SLC35F1: variants seen among roughly 807,000 people sequenced by gnomAD.
The protein encoded by SLC35F1 is solute carrier family 35 member F1.
SLC35F1 carries 14 observed loss-of-function variants against 48.7 expected under a neutral mutation model. The observed-to-expected ratio is 0.29, with a 90% CI of 0.19 to 0.45. The LOEUF is 0.45. Ranked by LOEUF, SLC35F1 falls within the 20% of genes least tolerant of loss-of-function variation. The probability of loss-of-function intolerance (pLI) is 1.00; values close to 1 mark genes in which losing one functional copy is unlikely to be tolerated. For synonymous variants in SLC35F1, 190 were observed against 202.2 expected (o/e 0.94, Z 0.51); for missense variants, 404 against 500.0 (o/e 0.81, Z 1.83).
intron 4 of SLC35F1, among the ~76,000 whole-genome samples, chr6:118,274,615 C>T (rs1275231269): frequency 2.6e-5 from 4 of 152,120 alleles, no homozygotes; most frequent in African/African-American, 7.2e-5. Context: ...CCAGGCTGGT[C>T]TCGAACTCCT....
At chr6:117,952,094 G>GT (rs1172495533) in intron 1 of SLC35F1, among the ~76,000 whole-genome samples, 3 of 151,902 alleles carry the variant, frequency 2.0e-5, no homozygotes, top group Admixed American at 6.6e-5. Context: ...GTTTTGTTTT[G>GT]TTTTTTTGAC....
At chr6:118,096,828 C>G (rs921661088) in intron 1 of SLC35F1, among the ~76,000 whole-genome samples, 2 of 152,240 alleles carry the variant, frequency 1.3e-5, no homozygotes, top group Non-Finnish European at 2.9e-5. Flanking sequence ...CACTCCTACC[C>G]CAAAGCTGCT....
intron 7 of SLC35F1, among the ~76,000 whole-genome samples, chr6:118,291,106 T>G (rs1776116063): frequency 6.6e-6 from 1 of 152,114 alleles, no homozygotes; most frequent in African/African-American, 2.4e-5. Flanking sequence ...AAATTGACTT[T>G]TAAATAACAT....
chr6:118,036,533 G>T (rs1772134119), intron 1 of SLC35F1, among the ~76,000 whole-genome samples: 1 of 152,122 alleles, frequency 6.6e-6, no homozygotes, highest in African/African-American at 2.4e-5. Flanking sequence ...TTGGTTGATA[G>T]TGTTCTTCAG....
At chr6:118,001,563 C>A (rs1419107707) in intron 1 of SLC35F1, among the ~76,000 whole-genome samples, 1 of 152,066 alleles carries the variant, frequency 6.6e-6, no homozygotes, top group Non-Finnish European at 1.5e-5. Context: ...GTCTAAAACA[C>A]CAAAAGCAAT....
chr6:118,154,360 A>G, intron 1 of SLC35F1, 85 bp from the exon 2 acceptor site: 1 of 1,159,764 alleles, frequency 8.6e-7, no homozygotes, highest in Non-Finnish European at 1.2e-6. Flanking sequence ...AGTGCATGCT[A>G]CCAGTGCTCA....
intron 1 of SLC35F1, among the ~76,000 whole-genome samples, chr6:118,153,875 G>T (rs1456307009): frequency 2.0e-5 from 3 of 152,176 alleles, no homozygotes; most frequent in African/African-American, 7.2e-5. Context: ...GAGTTCTAGA[G>T]TCTGGGAATG....
intron 1 of SLC35F1, among the ~76,000 whole-genome samples, chr6:117,975,430 G>C (rs1485511485): frequency 1.3e-5 from 2 of 152,318 alleles, no homozygotes; most frequent in East Asian, 1.9e-4. Flanking sequence ...AGCATCCCAG[G>C]AAAAGTCTGG....
At chr6:118,305,025 G>A (rs1448396698) in intron 7 of SLC35F1, among the ~76,000 whole-genome samples, 1 of 64,830 alleles carries the variant, frequency 1.5e-5, no homozygotes, top group Admixed American at 1.2e-4. Flanking sequence ...CATTATATTA[G>A]CAGAGAAACA....
rs182533730 is a variant in SLC35F1, at chr6:118,152,902, T to C, written c.174-1543T>C. ...TATTGTAAGATTTTAAGCAGCATACTGACATTTTAAACATGGATGTTTAAA... is the reference window on the plus strand; with the variant it reads ...TATTGTAAGATTTTAAGCAGCATACCGACATTTTAAACATGGATGTTTAAA... On this transcript the variant is annotated intron_variant, in intron 1 of 7. Coordinates refer to ENST00000360388, the MANE Select transcript of SLC35F1 (RefSeq NM_001029858.4). Among the ~76,000 whole-genome samples the C allele has an allele frequency of 3.8e-3, 581 of 152,332 alleles. 3 individuals are homozygous for C. The highest frequency in any genetic ancestry group is 0.011 in the Admixed American group (167 of 15,292).
chr6:118,033,704 T>G (rs1303838767), intron 1 of SLC35F1, among the ~76,000 whole-genome samples: 1 of 151,980 alleles, frequency 6.6e-6, no homozygotes, highest in African/African-American at 2.4e-5. Context: ...GCATGGCACT[T>G]GGTATGGAGT....
intron 1 of SLC35F1, among the ~76,000 whole-genome samples, chr6:117,919,920 G>C (rs1775874907): frequency 6.6e-6 from 1 of 152,142 alleles, no homozygotes; most frequent in African/African-American, 2.4e-5. Flanking sequence ...AGTGCCTCTT[G>C]AACTGGGGAG....
intron 1 of SLC35F1, among the ~76,000 whole-genome samples, chr6:118,113,123 C>A (rs888630202): frequency 3.3e-5 from 5 of 151,996 alleles, no homozygotes; most frequent in Admixed American, 1.3e-4. Context: ...TAAGGTCTTG[C>A]TCTGTCACCC....
At chr6:118,218,637 C>T (rs191261997) in intron 2 of SLC35F1, among the ~76,000 whole-genome samples, 9 of 152,240 alleles carry the variant, frequency 5.9e-5, no homozygotes, top group Admixed American at 5.9e-4. Context: ...CCTTTAAGCT[C>T]CTACTGTTTC....
At chr6:118,010,012 T>C (rs1390478791) in intron 1 of SLC35F1, among the ~76,000 whole-genome samples, 1 of 152,184 alleles carries the variant, frequency 6.6e-6, no homozygotes, top group Non-Finnish European at 1.5e-5. Context: ...CCTCTGAAGA[T>C]AGAAACTGTG....
intron 1 of SLC35F1, among the ~76,000 whole-genome samples, chr6:118,093,524 T>C (rs544184853): frequency 6.6e-6 from 1 of 152,258 alleles, no homozygotes; most frequent in East Asian, 1.9e-4. Context: ...TTCAATGAGA[T>C]CATTGGTTTT....
At chr6:118,175,941 A>G (rs1774482487) in intron 2 of SLC35F1, among the ~76,000 whole-genome samples, 1 of 151,446 alleles carries the variant, frequency 6.6e-6, no homozygotes, top group South Asian at 2.1e-4. Flanking sequence ...AGCGAGAGGG[A>G]AAAAAAAAGT....
intron 3 of SLC35F1, among the ~76,000 whole-genome samples, chr6:118,262,055 G>T (rs1775719356): frequency 6.6e-6 from 1 of 152,118 alleles, no homozygotes; most frequent in African/African-American, 2.4e-5. Flanking sequence ...CTGTAAAGAG[G>T]GTTTGCAGCC....
intron 1 of SLC35F1, among the ~76,000 whole-genome samples, chr6:117,977,824 G>T (rs976829243): frequency 2.6e-5 from 4 of 151,998 alleles, no homozygotes; most frequent in African/African-American, 9.7e-5. Context: ...GGATATTGAG[G>T]TAATTCTTTA....
Sources: allele counts gnomAD v4.1 joint callset (sites outside exome capture counted in the v4.1 genomes callset), GRCh38; gene constraint gnomAD v4.1.1; transcripts MANE v1.5; gene names NCBI Gene and HGNC (gene_info 2026-07-23, HGNC 2026-07-21).